The following CERS4 variants were observed in gnomAD, a reference collection of about 807,000 sequenced individuals.
CERS4 encodes the protein ceramide synthase 4.
Under a neutral mutation model 51.8 loss-of-function variants are expected in CERS4, and 65 were observed. The observed-to-expected ratio is 1.26, with a 90% CI of 1.03 to 1.54. The LOEUF (loss-of-function observed/expected upper bound fraction) is 1.54. Ranked by LOEUF, CERS4 falls within the 40% of genes most tolerant of loss-of-function variation. The pLI is 0.00. For missense variants in CERS4, 563 were observed against 500.4 expected (o/e 1.13, Z -1.19); for synonymous variants, 228 against 208.4 (o/e 1.09, Z -0.81).
chr19:8,224,123 AAAAG>A (rs1319515506), intron 2 of CERS4, among the ~76,000 whole-genome samples: 36 of 132,924 alleles, frequency 2.7e-4, no homozygotes, highest in African/African-American at 6.8e-4. Context: ...AAAAAAAAAA[AAAAG>A]GCCAGGCACG....
intron 3 of CERS4, among the ~76,000 whole-genome samples, 174 bp from the exon 4 acceptor site, chr19:8,254,322 CAAA>C (rs74176633): frequency 9.8e-4 from 38 of 38,780 alleles, no homozygotes; most frequent in South Asian, 2.7e-3. Context: ...TACTCTGTCT[CAAA>C]AAAAAAAAAA....
intron 7 of CERS4, 26 bp from the exon 8 acceptor site, chr19:8,256,592 G>A: frequency 6.3e-7 from 1 of 1,596,950 alleles, no homozygotes; most frequent in Non-Finnish European, 8.5e-7. Context: ...GCTCCCCACA[G>A]CTAACCTTGT....
At chr19:8,232,781 G>A (rs1461842071) in intron 2 of CERS4, among the ~76,000 whole-genome samples, 1 of 149,974 alleles carries the variant, frequency 6.7e-6, no homozygotes, top group African/African-American at 2.5e-5. Context: ...AGTGCTGGTG[G>A]TGTGATCACA....
rs1168058816 is a variant in CERS4, at chr19:8,257,093, G to A, written c.741+16G>A. 1 of 1,577,246 alleles carries A rather than the reference G, an allele frequency of 6.3e-7. No homozygotes were observed. The highest frequency in any genetic ancestry group is 8.6e-7 in the Non-Finnish European group (1 of 1,159,634). On this transcript the variant is annotated intron_variant, in intron 9 of 11. Transcript: ENST00000251363. ...CCTGCTGGAGGTGGGCCCGACCCCT[G>A]CCTGACCCTTCCCAGCTGCTGTACC...
At chr19:8,261,419 G>A in intron 10 of CERS4, 1 of 474,208 alleles carries the variant, frequency 2.1e-6, no homozygotes, top group Non-Finnish European at 3.8e-6. Context: ...ACCCAGGAAA[G>A]CAGCTGAGTT....
intron 10 of CERS4, chr19:8,261,296 C>A (rs181740369): frequency 1.0e-3 from 198 of 191,812 alleles, no homozygotes; most frequent in African/African-American, 4.3e-3. Context: ...TGAGGCCCCA[C>A]CGCCTGCCTT....
chr19:8,257,887 GATGGTCAACTACATGCAGTATCAGC>G lies in CERS4; in HGVS notation c.752_776del (p.Met251LysfsTer51), dbSNP rs1568540072. ...CCTGCTGCCCTTTCCAGGCCTGTAA[GATGGTCAACTACATGCAGTATCAGC>G]AAGTGTGCGACGCTCTCTTCCTCAT... On this transcript the variant is annotated frameshift_variant, in exon 10 of 12. Coordinates refer to ENST00000251363, the MANE Select transcript of CERS4 (RefSeq NM_024552.3). LOFTEE classifies it high-confidence loss of function. 6.2e-7 allele frequency: 1 copy of G among 1,613,672 alleles called. No individual in the cohort carries two copies.
At chr19:8,219,501 T>TA (rs1967441316) in intron 2 of CERS4, among the ~76,000 whole-genome samples, 1 of 151,994 alleles carries the variant, frequency 6.6e-6, no homozygotes, top group South Asian at 2.1e-4. Flanking sequence ...CCTATCTCTA[T>TA]AAAAAATATA....
chr19:8,211,668 G>C (rs1175545387), intron 2 of CERS4, among the ~76,000 whole-genome samples: 2 of 152,060 alleles, frequency 1.3e-5, no homozygotes, highest in African/African-American at 4.8e-5. Flanking sequence ...GAGGCAGGCA[G>C]ATCACCTAAG....
At chr19:8,256,472 G>A (rs554784161) in intron 7 of CERS4, 146 bp from the exon 8 acceptor site, 4 of 962,262 alleles carry the variant, frequency 4.2e-6, no homozygotes, top group Middle Eastern at 2.3e-4. Flanking sequence ...CCAAACCACT[G>A]CCCTTGATTA....
Position 8,257,031 on chromosome 19 carries a change from GCT to G in CERS4, c.700_701del (p.Leu234GlyfsTer9). 4 of 1,612,854 alleles carry G rather than the reference GCT, an allele frequency of 2.5e-6. No homozygotes were observed. Among genetic ancestry groups the G allele is most frequent in the Non-Finnish European group, 2.5e-6 (3 of 1,179,334 alleles). ...TACAGTGCCAACCTGCTGCGCATTG[GCT>G]CTCTGGTGCTGCTGTTACACGATTC... On this transcript the variant is annotated frameshift_variant, in exon 9 of 12. Transcript: ENST00000251363. LOFTEE classifies it high-confidence loss of function.
At chr19:8,255,772 T>TG in intron 5 of CERS4, 47 bp downstream of exon 5, 6 of 1,259,602 alleles carry the variant, frequency 4.8e-6, no homozygotes, top group African/African-American at 1.7e-5. Context: ...CGGGCCGGGG[T>TG]GGGGCGGGGC....
intron 2 of CERS4, among the ~76,000 whole-genome samples, chr19:8,215,952 C>G (rs190632063): frequency 6.6e-6 from 1 of 152,148 alleles, no homozygotes; most frequent in African/African-American, 2.4e-5. Context: ...CTCTGTGCCT[C>G]GAGTCCAGGA....
chr19:8,260,967 A>AACAAAAAAAAC (rs1555781425), intron 10 of CERS4: 1 of 144,770 alleles, frequency 6.9e-6, no homozygotes, highest in African/African-American at 2.5e-5. Context: ...AAAAAAAAAA[A>AACAAAAAAAAC]AAAAAAAAAA....
Position 8,251,129 on chromosome 19 carries a change from C to T in CERS4, c.53C>T (p.Pro18Leu), listed in dbSNP as rs750241339. ...WFWQDRFWLP[P>L]NVTWTELEDR... ...TGGCAGGACAGGTTCTGGTTACCAC[C>T]CAATGTCACGTGGACAGAGCTAGAA... The change falls in exon 3 of 12, where the codon CCC becomes CTC. Residue 18 changes from proline to leucine, a missense_variant. Transcript: ENST00000251363. The T allele has an allele frequency of 6.2e-7, 1 of 1,612,224 alleles. No homozygotes were observed. The highest frequency in any genetic ancestry group is 1.1e-5 in the South Asian group (1 of 90,528).
chr19:8,216,104 C>T (rs1439795594), intron 2 of CERS4, among the ~76,000 whole-genome samples: 1 of 152,176 alleles, frequency 6.6e-6, no homozygotes, highest in African/African-American at 2.4e-5. Context: ...CCCTGCCAGG[C>T]ACCGTGGCTC....
At chr19:8,244,623 C>A (rs1968677573) in intron 2 of CERS4, among the ~76,000 whole-genome samples, 1 of 152,136 alleles carries the variant, frequency 6.6e-6, no homozygotes, top group Non-Finnish European at 1.5e-5. Flanking sequence ...TGCCAGAGCA[C>A]CCTCTTCTGG....
At chr19:8,241,383 C>G (rs1364715381) in intron 2 of CERS4, 1 of 152,240 alleles carries the variant, frequency 6.6e-6, no homozygotes, top group Non-Finnish European at 1.5e-5. Flanking sequence ...GGTGTGATCA[C>G]AGCTCACTGC....
Position 8,256,999 on chromosome 19 carries a change from C to G in CERS4, c.663C>G (p.Thr221=), listed in dbSNP as rs200777368. 161 of 1,614,090 alleles carry G rather than the reference C, an allele frequency of 1.0e-4. No individual in the cohort carries two copies. Among genetic ancestry groups the G allele is most frequent in the Non-Finnish European group, 8.5e-5 (100 of 1,179,982 alleles). ...IHHFVAVILM[T]FSYSANLLRI... ...ACTTCGTGGCGGTCATCCTGATGAC[C>G]TTCTCCTACAGTGCCAACCTGCTGC... Residue 221 remains threonine, a synonymous_variant, in exon 9 of 12, where the codon ACC becomes ACG. Coordinates refer to ENST00000251363, the MANE Select transcript of CERS4 (RefSeq NM_024552.3).
Sources: gnomAD v4.1 joint callset for allele counts (sites outside exome capture counted in the v4.1 genomes callset) on GRCh38, gnomAD v4.1.1 for gene constraint, MANE v1.5 for transcripts, NCBI Gene and HGNC (gene_info 2026-07-23, HGNC 2026-07-21) for gene names.